Variants in KCP observed in about 807,000 individuals in gnomAD.
KCP encodes the protein kielin cysteine rich BMP regulator, also known as kielin/chordin-like protein.
Under a neutral mutation model 212.7 loss-of-function variants are expected in KCP, and 194 were observed. That is an observed-to-expected ratio of 0.91 (90% CI 0.81 to 1.03). KCP has a LOEUF of 1.03. Among genes scored for constraint, KCP ranks in the 50% least tolerant of loss-of-function variants. KCP has a pLI of 0.00. For missense variants in KCP, 2,080 were observed against 2,162.5 expected (o/e 0.96, Z 0.76); for synonymous variants, 833 against 865.3 (o/e 0.96, Z 0.65).
rs1265339075 is a variant in KCP, at chr7:128,881,091, G to C, written c.3425-6C>G. 15 of 398,708 alleles carry C rather than the reference G, an allele frequency of 3.8e-5. No homozygotes were observed. The highest frequency in any genetic ancestry group is 6.2e-5 in the Non-Finnish European group (14 of 226,220). The allele number at this position is 398,708 out of a possible 1,614,324, so 24.7% of individuals were successfully genotyped here. On this transcript the variant is annotated splice_region_variant and splice_polypyrimidine_tract_variant and intron_variant, in intron 31 of 39. Coordinates refer to ENST00000610776, the MANE Select transcript of KCP (RefSeq NM_001366122.1). ...CTCGGCCTCCACCACACATTCTGAG[G>C]GGGGAGACATGGGATGGGCAGGCAC...
chr7:128,891,407 C>T (rs1199565026), intron 18 of KCP, 44 bp downstream of exon 18: 4 of 1,547,544 alleles, frequency 2.6e-6, no homozygotes, highest in Non-Finnish European at 2.6e-6. Context: ...CTGCAAGTCC[C>T]GCCTCCACTC....
At chr7:128,893,066 C>A in intron 13 of KCP, 45 bp from the exon 14 acceptor site, 1 of 873,590 alleles carries the variant, frequency 1.1e-6, no homozygotes, top group Non-Finnish European at 1.9e-6. Context: ...CACCTCCCAC[C>A]CATCCCTGTC....
chr7:128,882,113 C>T (rs573510758), intron 29 of KCP, 97 bp from the exon 30 acceptor site: 58 of 882,448 alleles, frequency 6.6e-5, no homozygotes, highest in African/African-American at 2.7e-4. Flanking sequence ...GTTTCTAACT[C>T]GAACTCCTGA....
chr7:128,891,695 G>A lies in KCP; in HGVS notation c.1746C>T (p.Ala582=), dbSNP rs1260393917. The change falls in exon 17 of 40, where the codon GCC becomes GCT. Residue 582 remains alanine (A), a synonymous_variant. Coordinates refer to ENST00000610776, the MANE Select transcript of KCP (RefSeq NM_001366122.1). Reference sequence around the variant, plus strand: ...TCCCAGGCAGCGGGTGGGCACAGGGGGCCCTGGGGCAGGGGCGAGGCTGGC... The same window carrying A: ...TCCCAGGCAGCGGGTGGGCACAGGGAGCCCTGGGGCAGGGGCGAGGCTGGC... ...AHCQPRPCPR[A]PCAHPLPGTC... is the part of the protein sequence containing the mutation. 1 of 1,451,440 alleles carries A rather than the reference G, an allele frequency of 6.9e-7. No individual in the cohort carries two copies. The highest frequency in any genetic ancestry group is 2.5e-5 in the East Asian group (1 of 39,740). The allele number at this position is 1,451,440 out of a possible 1,614,324, so 89.9% of individuals were successfully genotyped here. A position where few individuals can be genotyped will look rare whatever the true frequency, so the allele number is the denominator to read the frequency against.
chr7:128,890,267 C>A (rs1000403868), intron 21 of KCP, 76 bp downstream of exon 21: 2 of 1,551,142 alleles, frequency 1.3e-6, no homozygotes, highest in Admixed American at 2.0e-5. Flanking sequence ...CACCCTAGGG[C>A]AGTAAAGATT....
Position 128,891,009 on chromosome 7 carries a change from C to T in KCP, c.2060G>A (p.Arg687His), listed in dbSNP as rs1195419063. 1 of 1,345,118 alleles carries T rather than the reference C, an allele frequency of 7.4e-7. No homozygotes were observed. Among genetic ancestry groups the T allele is most frequent in the Non-Finnish European group, 9.5e-7 (1 of 1,054,078 alleles). The allele number at this position is 1,345,118 out of a possible 1,614,324, so 83.3% of individuals were successfully genotyped here. ...GGAGCCGTCGAGGCAGAGGCAGCGGCGGCAGGGATCGCCGGGCGGGGAGAA... is the reference window on the plus strand; with the variant it reads ...GGAGCCGTCGAGGCAGAGGCAGCGGTGGCAGGGATCGCCGGGCGGGGAGAA... ...EYFSPPGDPC[R>H]RCLCLDGSVS... The change falls in exon 20 of 40, where the codon CGC (arginine) becomes CAC (histidine). Residue 687 changes from arginine to histidine, a missense_variant. Arg to His is a conservative substitution (Grantham distance 29). Transcript: ENST00000610776.
rs1270443775 is a variant in KCP at position 128,877,584 on chromosome 7, G to T, written c.4518C>A (p.Gly1506=). The T allele has an allele frequency of 1.9e-6, 3 of 1,551,640 alleles. No individual in the cohort carries two copies. The highest frequency in any genetic ancestry group is 2.7e-5 in the African/African-American group (2 of 73,182). Residue 1506 remains glycine, a synonymous_variant, in exon 39 of 40, where the codon GGC becomes GGA. Coordinates refer to ENST00000610776, the MANE Select transcript of KCP (RefSeq NM_001366122.1). The part of the protein sequence containing the change: ...CVYDLCACGP[G]SSADACLCDA... The stretch of plus-strand genomic sequence containing the variant: ...CACAGAGGCAGGCATCAGCGGAGGA[G>T]CCAGGGCCACAGGCACACAGGTCAT...
In KCP at chr7:128,902,803, C is replaced by T. The variant is rs928776428; in HGVS notation, c.805G>A (p.Asp269Asn). Residue 269 changes from aspartate (D) to asparagine (N), a missense_variant, in exon 8 of 40, where the codon GAC (aspartate) becomes AAC (asparagine). By Grantham distance (23) the Asp-to-Asn change is conservative (BLOSUM62 1). Transcript: ENST00000610776. ...AGGCACCGGCAGATTCGGCAGGGGT[C>T]CCCAGGTGTTGTCCACTCTTGGCCA... ...EHGQEWTTPG[D>N]PCRICRCLEG... 1.3e-6 allele frequency: 2 copies of T among 1,549,904 alleles called. No homozygotes were observed. The highest frequency in any genetic ancestry group is 1.7e-6 in the Non-Finnish European group (2 of 1,145,700).
Position 128,901,135 on chromosome 7 carries a change from C to T in KCP, c.831+1642G>A, listed in dbSNP as rs533750840. On this transcript the variant is annotated intron_variant, in intron 8 of 39. Coordinates refer to ENST00000610776, the MANE Select transcript of KCP (RefSeq NM_001366122.1). ...TCTGGTTGTCCTCACTGCTATACTCCCACCAGGGCCATGATAGTTTACAAA... is the reference window on the plus strand; with the variant it reads ...TCTGGTTGTCCTCACTGCTATACTCTCACCAGGGCCATGATAGTTTACAAA... Among the ~76,000 whole-genome samples, 21 of 152,296 alleles carry T rather than the reference C, an allele frequency of 1.4e-4. No homozygotes were observed. The East Asian group carries it at 2.5e-3, about 18-fold the overall frequency.
At chr7:128,881,501 C>A in intron 31 of KCP, 125 bp downstream of exon 31, 1 of 598,928 alleles carries the variant, frequency 1.7e-6, no homozygotes, top group South Asian at 2.7e-5. Flanking sequence ...AAAGAATGAA[C>A]CCTGCATTCT....
In KCP at chr7:128,903,709, G is replaced by A. The variant is rs1230759962; in HGVS notation, c.748+18C>T. 2 of 1,528,088 alleles carry A rather than the reference G, an allele frequency of 1.3e-6. No individual in the cohort carries two copies. The highest frequency in any genetic ancestry group is 1.8e-6 in the Non-Finnish European group (2 of 1,135,288). The allele number at this position is 1,528,088 out of a possible 1,614,324, so 94.7% of individuals were successfully genotyped here. A position where few individuals can be genotyped will look rare whatever the true frequency, so the allele number is the denominator to read the frequency against. ...AACCTACCTGTGGCTCTACCAGGGAGGGGCCAGGGGCTCTCACCTTGGCAG... is the reference window on the plus strand; with the variant it reads ...AACCTACCTGTGGCTCTACCAGGGAAGGGCCAGGGGCTCTCACCTTGGCAG... On this transcript the variant is annotated intron_variant, in intron 7 of 39. Transcript: ENST00000610776.
chr7:128,910,250 G>T (rs1433197718), intron 1 of KCP, among the ~76,000 whole-genome samples: 1 of 152,202 alleles, frequency 6.6e-6, no homozygotes, highest in African/African-American at 2.4e-5. Flanking sequence ...CCTGCTCCGG[G>T]GAGGGCCAGA....
rs1585189767 is a variant in KCP at position 128,878,414 on chromosome 7, G to A, written c.4311+144C>T. 3.4e-6 allele frequency: 3 copies of A among 885,522 alleles called. No individual in the cohort carries two copies. In the East Asian group the frequency reaches 8.2e-5, roughly 24 times the overall value. 54.9% of individuals were successfully genotyped at this position (885,522 alleles called of 1,614,324 possible). ...TCTCCAGCACCAAGACAGGCAAGAA[G>A]CCCCCACACCTCCCTGAAAGCCCAA... On this transcript the variant is annotated intron_variant, in intron 38 of 39. Transcript: ENST00000610776.
chr7:128,896,656 G>T (rs1794541934), intron 8 of KCP, among the ~76,000 whole-genome samples: 3 of 152,100 alleles, frequency 2.0e-5, no homozygotes, highest in African/African-American at 7.2e-5. Flanking sequence ...ACTTTGGGAG[G>T]CCGAGGAGGG....
At chr7:128,909,056 C>T (rs1165713720) in intron 1 of KCP, among the ~76,000 whole-genome samples, 1 of 152,198 alleles carries the variant, frequency 6.6e-6, no homozygotes, top group East Asian at 1.9e-4. Flanking sequence ...TAACTTTGAA[C>T]ACACCAGATC....
rs1793361825 is a variant in KCP, at chr7:128,881,966, G to C, written c.3295C>G (p.Pro1099Ala). The change falls in exon 30 of 40, where the codon CCA becomes GCA. Residue 1099 changes from proline to alanine, a missense_variant. By Grantham distance (27) the Pro-to-Ala change is conservative (BLOSUM62 -1). Transcript: ENST00000610776. ...CACTGGCACGTGTAGCAGGGGTCTG[G>C]TGGGGCTAGCTCAGATCCCAGCAGG... is the stretch of plus-strand genomic sequence containing the variant. The part of the protein sequence containing the change: ...EGLLGSELAP[P>A]DPCYTCQCQD... The C allele has an allele frequency of 6.4e-7, 1 of 1,551,354 alleles. No homozygotes were observed. Among genetic ancestry groups the C allele is most frequent in the Non-Finnish European group, 8.7e-7 (1 of 1,146,956 alleles).
At position 128,888,833 on chromosome 7, in the gene KCP, G is replaced by A. The variant is rs986221266; in HGVS notation, c.2512+30C>T. On this transcript the variant is annotated intron_variant, in intron 22 of 39. Coordinates refer to ENST00000610776, the MANE Select transcript of KCP (RefSeq NM_001366122.1). ...GAAAGGCACCCCGGGAGCCCCAGCA[G>A]GGGGAATGGAAGGGCAGGTGTGGCT... 10 of 1,540,450 alleles carry A rather than the reference G, an allele frequency of 6.5e-6. No individual in the cohort carries two copies. In the East Asian group the frequency reaches 2.0e-4, roughly 30 times the overall value.
chr7:128,888,930 C>T lies in KCP; in HGVS notation c.2445G>A (p.Arg815=), dbSNP rs1056963167. The T allele has an allele frequency of 6.5e-7, 1 of 1,550,198 alleles. No homozygotes were observed. The highest frequency in any genetic ancestry group is 8.7e-7 in the Non-Finnish European group (1 of 1,146,622). The change falls in exon 22 of 40, where the codon CGG becomes CGA. Residue 815 remains arginine (R), a synonymous_variant. Coordinates refer to ENST00000610776, the MANE Select transcript of KCP (RefSeq NM_001366122.1). The part of the protein sequence containing the change: ...CLGGFVTCGR[R]PCEPPGCSHP... ...GGCTGCAGCCCGGAGGCTCACAGGGCCGGCGGCCGCAGGTCACGAAGCCTC... is the reference window on the plus strand; with the variant it reads ...GGCTGCAGCCCGGAGGCTCACAGGGTCGGCGGCCGCAGGTCACGAAGCCTC...
At chr7:128,904,531 T>C (rs1229473691) in intron 5 of KCP, among the ~76,000 whole-genome samples, 1 of 152,372 alleles carries the variant, frequency 6.6e-6, no homozygotes, top group African/African-American at 2.4e-5. Flanking sequence ...TCAGCCCTGA[T>C]GCCTGGGCAG....
Sources: gnomAD v4.1 joint callset for allele counts (sites outside exome capture counted in the v4.1 genomes callset) on GRCh38, gnomAD v4.1.1 for gene constraint, MANE v1.5 for transcripts, NCBI Gene and HGNC (gene_info 2026-07-23, HGNC 2026-07-21) for gene names.